Variants in PPP2R2B observed in about 807,000 individuals in gnomAD.
PPP2R2B encodes protein phosphatase 2 regulatory subunit Bbeta.
PPP2R2B carries 5 observed loss-of-function variants against 46.0 expected under a neutral mutation model. The ratio of observed to expected loss-of-function variants is 0.11; its 90% CI spans 0.06 to 0.23. The LOEUF (loss-of-function observed/expected upper bound fraction) is 0.23. Among genes scored for constraint, PPP2R2B ranks in the 10% least tolerant of loss-of-function variants. The pLI is 1.00. For missense variants in PPP2R2B, 367 were observed against 575.0 expected (o/e 0.64, Z 3.70); for synonymous variants, 215 against 206.7 (o/e 1.04, Z -0.34).
chr5:147,040,067 A>G (rs1756221984), intron 1 of PPP2R2B, among the ~76,000 whole-genome samples: 2 of 152,132 alleles, frequency 1.3e-5, no homozygotes, highest in Admixed American at 1.3e-4. Context: ...CCTCACTTAT[A>G]AAAAGCTAAA....
chr5:146,630,048 C>T (rs1314712234), intron 7 of PPP2R2B, among the ~76,000 whole-genome samples: 1 of 152,206 alleles, frequency 6.6e-6, no homozygotes, highest in Non-Finnish European at 1.5e-5. Context: ...CTCCTGGCCT[C>T]AAGCAACCCA....
At chr5:146,885,560 C>T (rs1031814150) in intron 1 of PPP2R2B, among the ~76,000 whole-genome samples, 2 of 152,152 alleles carry the variant, frequency 1.3e-5, no homozygotes, top group African/African-American at 4.8e-5. Context: ...AAATAGTTTG[C>T]CAGTTCTTCA....
chr5:146,606,456 C>T (rs1447865406), intron 7 of PPP2R2B, among the ~76,000 whole-genome samples: 1 of 152,196 alleles, frequency 6.6e-6, no homozygotes, highest in African/African-American at 2.4e-5. Context: ...GAGCTTTGAA[C>T]AAGCAGCTTG....
At chr5:146,787,724 T>C (rs749769138) in intron 2 of PPP2R2B, among the ~76,000 whole-genome samples, 10 of 152,096 alleles carry the variant, frequency 6.6e-5, no homozygotes, top group Non-Finnish European at 1.5e-4. Flanking sequence ...CACACCACTA[T>C]GCCTGGCTAA....
At chr5:146,980,114 A>G (rs1006391330) in intron 1 of PPP2R2B, among the ~76,000 whole-genome samples, 4 of 152,308 alleles carry the variant, frequency 2.6e-5, no homozygotes, top group Middle Eastern at 6.8e-3. Context: ...AGAGATGCCA[A>G]TGATATATTT....
chr5:146,705,767 T>C (rs1779800172), intron 2 of PPP2R2B, among the ~76,000 whole-genome samples: 2 of 152,160 alleles, frequency 1.3e-5, no homozygotes, highest in African/African-American at 4.8e-5. Context: ...GAAAAAAGTC[T>C]GGTTATGGCC....
intron 7 of PPP2R2B, among the ~76,000 whole-genome samples, chr5:146,625,986 G>A (rs2151063824): frequency 6.6e-6 from 1 of 152,324 alleles, no homozygotes; most frequent in Middle Eastern, 3.4e-3. Context: ...GGCAGCCTCT[G>A]AAAGCTGAAG....
chr5:146,782,060 C>G (rs115890108), intron 2 of PPP2R2B, among the ~76,000 whole-genome samples: 9 of 152,118 alleles, frequency 5.9e-5, no homozygotes, highest in Non-Finnish European at 1.0e-4. Context: ...GCACCTCCCC[C>G]ACCCATGCTC....
intron 1 of PPP2R2B, among the ~76,000 whole-genome samples, chr5:146,981,174 T>C (rs1476161528): frequency 6.6e-6 from 1 of 152,176 alleles, no homozygotes; most frequent in East Asian, 1.9e-4. Flanking sequence ...GCAGGCACTC[T>C]ACAAATATTT....
chr5:147,071,815 A>G (rs534821337), intron 2 of PPP2R2B, among the ~76,000 whole-genome samples: 2 of 152,266 alleles, frequency 1.3e-5, no homozygotes, highest in Non-Finnish European at 2.9e-5. Flanking sequence ...TAGCCCCTCC[A>G]CTATTGAATC....
At chr5:146,807,452 G>A (rs1036997494) in intron 2 of PPP2R2B, among the ~76,000 whole-genome samples, 8 of 152,104 alleles carry the variant, frequency 5.3e-5, no homozygotes, top group African/African-American at 1.9e-4. Context: ...ATCCAGTTGT[G>A]GGTTTAGATA....
chr5:146,749,245 C>T lies in PPP2R2B; in HGVS notation c.71-48103G>A, dbSNP rs141709337. On this transcript the variant is annotated intron_variant, in intron 2 of 9. Coordinates refer to ENST00000394411, the MANE Select transcript of PPP2R2B (RefSeq NM_181675.4). ...AGGTCTTTTGCCCATTTTCTAATTG[C>T]ATTTTTTTAATGCTGTTTTGAGAGT... is the stretch of plus-strand genomic sequence containing the variant. Among the ~76,000 whole-genome samples, 5 of 152,280 alleles carry T rather than the reference C, an allele frequency of 3.3e-5. No individual in the cohort carries two copies. In the East Asian group the frequency reaches 9.7e-4, roughly 29 times the overall value.
chr5:146,880,180 TG>T (rs1467848179), upstream of PPP2R2B, among the ~76,000 whole-genome samples: 1,110 of 4,938 alleles, frequency 0.22, 1 homozygote, highest in Admixed American at 0.29. Context: ...ATAGTTATTT[TG>T]TGTGTGTGTG....
chr5:146,921,746 A>G (rs978953222), intron 1 of PPP2R2B, among the ~76,000 whole-genome samples: 1 of 152,098 alleles, frequency 6.6e-6, no homozygotes, highest in Non-Finnish European at 1.5e-5. Context: ...TCTGACACTC[A>G]TTACCTGTAC....
intron 2 of PPP2R2B, among the ~76,000 whole-genome samples, chr5:146,710,172 T>C (rs2151180428): frequency 6.6e-6 from 1 of 152,326 alleles, no homozygotes; most frequent in South Asian, 2.1e-4. Context: ...CCAACCCCAA[T>C]TTATTCATGG....
At chr5:146,718,788 G>A (rs140384060) in intron 2 of PPP2R2B, among the ~76,000 whole-genome samples, 6 of 152,228 alleles carry the variant, frequency 3.9e-5, no homozygotes, top group South Asian at 2.1e-4. Context: ...AGTCACATAC[G>A]CAGTTTGAAT....
intron 5 of PPP2R2B, among the ~76,000 whole-genome samples, chr5:146,652,069 G>A (rs545044799): frequency 6.6e-6 from 1 of 152,266 alleles, no homozygotes; most frequent in South Asian, 2.1e-4. Context: ...ACTAGGAAAG[G>A]AAAGGGAAGG....
At chr5:146,708,407 A>ATGTGTGTGTGTGTGTGTG in intron 2 of PPP2R2B, among the ~76,000 whole-genome samples, 1 of 138,708 alleles carries the variant, frequency 7.2e-6, no homozygotes, top group South Asian at 2.2e-4. Context: ...GTGTGTGTGT[A>ATGTGTGTGTGTGTGTGTG]TGTGTGTGTG....
chr5:146,958,626 A>C (rs767536057), intron 1 of PPP2R2B, among the ~76,000 whole-genome samples: 1 of 152,216 alleles, frequency 6.6e-6, no homozygotes, highest in Non-Finnish European at 1.5e-5. Context: ...TAGAGAGAAC[A>C]TCAAGATTCA....
Sources: allele counts gnomAD v4.1 joint callset (sites outside exome capture counted in the v4.1 genomes callset), GRCh38; gene constraint gnomAD v4.1.1; transcripts MANE v1.5; gene names NCBI Gene and HGNC (gene_info 2026-07-23, HGNC 2026-07-21).